Variants in SMYD1 observed in about 807,000 individuals in gnomAD.
SMYD1 encodes histone-lysine N-methyltransferase SMYD1.
Under a neutral mutation model 54.0 loss-of-function variants are expected in SMYD1, and 49 were observed. The ratio of observed to expected loss-of-function variants is 0.91; its 90% CI spans 0.72 to 1.15. The LOEUF (loss-of-function observed/expected upper bound fraction) is 1.15, where lower values mean the gene tolerates loss of function less well. Among genes scored for constraint, SMYD1 ranks in the 50% most tolerant of loss-of-function variants. The pLI is 0.00. For synonymous variants in SMYD1, 269 were observed against 234.2 expected (o/e 1.15, Z -1.36); for missense variants, 653 against 639.6 (o/e 1.02, Z -0.23).
In SMYD1 at chr2:88,105,798, C is replaced by T. The variant is rs571309025; in HGVS notation, c.982-527C>T. ...ACTAAAAATACAAAAATTATTTGGG[C>T]GTGGTGGTGTGCACCTGTAATCCCA... On this transcript the variant is annotated intron_variant, in intron 7 of 9. Coordinates refer to ENST00000419482, the MANE Select transcript of SMYD1 (RefSeq NM_198274.4). Among the ~76,000 whole-genome samples the T allele has an allele frequency of 2.0e-5, 3 of 152,098 alleles. No homozygotes were observed. The South Asian group carries it at 6.2e-4, about 32-fold the overall frequency.
At chr2:88,095,342 T>C (rs1191268073) in intron 5 of SMYD1, among the ~76,000 whole-genome samples, 3 of 152,216 alleles carry the variant, frequency 2.0e-5, no homozygotes, top group African/African-American at 4.8e-5. Flanking sequence ...ATACATATTA[T>C]CACATTAATA....
chr2:88,076,270 A>G (rs1674059757), intron 1 of SMYD1, among the ~76,000 whole-genome samples: 1 of 152,064 alleles, frequency 6.6e-6, no homozygotes, highest in Non-Finnish European at 1.5e-5. Context: ...GCTGGAGTGC[A>G]GTGGCGTGAT....
chr2:88,081,328 A>G (rs1380523605), intron 1 of SMYD1, among the ~76,000 whole-genome samples: 1 of 152,188 alleles, frequency 6.6e-6, no homozygotes, highest in East Asian at 1.9e-4. Context: ...GATGTCTAGA[A>G]AATGCAATTC....
At chr2:88,076,008 G>A (rs1674053991) in intron 1 of SMYD1, among the ~76,000 whole-genome samples, 1 of 152,078 alleles carries the variant, frequency 6.6e-6, no homozygotes, top group Non-Finnish European at 1.5e-5. Flanking sequence ...TACAAACTCA[G>A]CCTATCTCTC....
chr2:88,102,545 TC>T (rs144478215), intron 6 of SMYD1, among the ~76,000 whole-genome samples: 2,741 of 152,324 alleles, frequency 0.018, 75 homozygotes, highest in African/African-American at 0.061. Context: ...ACAAGGAGCC[TC>T]CTTAATGAAC....
rs889800410 is a variant in SMYD1, at chr2:88,112,875, T to C, written c.*2363T>C. On this transcript the variant is annotated 3_prime_UTR_variant, in exon 10 of 10. Transcript: ENST00000419482. Reference sequence around the variant, plus strand: ...TTGACATTTCCTGGAGTTGGTTTTGTCCTTGATTCATTCTCATGTCATTCT... The same window carrying C: ...TTGACATTTCCTGGAGTTGGTTTTGCCCTTGATTCATTCTCATGTCATTCT... The C allele has an allele frequency of 3.9e-5, 6 of 152,374 alleles. No individual in the cohort carries two copies. The highest frequency in any genetic ancestry group is 7.2e-5 in the African/African-American group (3 of 41,444). 9.4% of individuals were successfully genotyped at this position (152,374 alleles called of 1,614,324 possible).
At chr2:88,089,779 G>T (rs1162935465) in intron 3 of SMYD1, among the ~76,000 whole-genome samples, 1 of 151,004 alleles carries the variant, frequency 6.6e-6, no homozygotes, top group South Asian at 2.1e-4. Context: ...TTTTATAGAA[G>T]CAGGGTTTCA....
intron 1 of SMYD1, among the ~76,000 whole-genome samples, chr2:88,070,632 A>G (rs1573098711): frequency 2.0e-5 from 3 of 152,128 alleles, no homozygotes; most frequent in Non-Finnish European, 2.9e-5. Flanking sequence ...TTTGTGTTGT[A>G]TATTCTACTG....
At position 88,110,679 on chromosome 2, in the gene SMYD1, A is replaced by G; in HGVS notation, c.*167A>G. 1.3e-6 allele frequency: 1 copy of G among 783,762 alleles called. No individual in the cohort carries two copies. Among genetic ancestry groups the G allele is most frequent in the East Asian group, 3.0e-5 (1 of 33,218 alleles). 48.6% of individuals were successfully genotyped at this position (783,762 alleles called of 1,614,324 possible). A position where few individuals can be genotyped will look rare whatever the true frequency, so the allele number is the denominator to read the frequency against. ...TCCCAGAGCCATTTTGGCTCAATTC[A>G]AGTCTATTCAATTCAAGTTAACTCT... On this transcript the variant is annotated 3_prime_UTR_variant, in exon 10 of 10. Transcript: ENST00000419482.
rs143190729 is a variant in SMYD1, at chr2:88,101,963, T to TA, written c.889-1094dup. 8.4e-4 allele frequency among the ~76,000 whole-genome samples: 128 copies of TA among 152,340 alleles called. 3 individuals carry two copies. The East Asian group carries it at 0.022, about 26-fold the overall frequency. On this transcript the variant is annotated intron_variant, in intron 6 of 9. Transcript: ENST00000419482. ...CTTTGATTGGTCAGTGCTTTTTCTG[T>TA]ATCAGTCATTAAGTATTTTAAATAT... is the stretch of plus-strand genomic sequence containing the variant.
intron 4 of SMYD1, among the ~76,000 whole-genome samples, chr2:88,092,809 T>C (rs1336002701): frequency 4.6e-5 from 7 of 152,242 alleles, no homozygotes; most frequent in African/African-American, 1.4e-4. Flanking sequence ...GCCTTCTAGA[T>C]GGCCCTCTTC....
intron 7 of SMYD1, 109 bp from the exon 8 acceptor site, chr2:88,106,214 GCC>G: frequency 7.1e-7 from 1 of 1,402,220 alleles, no homozygotes; most frequent in African/African-American, 1.4e-5. Context: ...GTCAGCAATT[GCC>G]CCAGTCTTAA....
At chr2:88,070,942 C>CA (rs61024525) in intron 1 of SMYD1, among the ~76,000 whole-genome samples, 2,631 of 59,664 alleles carry the variant, frequency 0.044, 191 homozygotes, top group African/African-American at 0.061. Context: ...GACTATTTCT[C>CA]AAAAAAAAAA....
intron 1 of SMYD1, among the ~76,000 whole-genome samples, chr2:88,072,173 T>C (rs1673962893): frequency 6.6e-6 from 1 of 152,134 alleles, no homozygotes; most frequent in South Asian, 2.1e-4. Context: ...TTTTTTGAGA[T>C]GAAATCTTGC....
At chr2:88,109,560 T>C (rs758101994) in intron 9 of SMYD1, among the ~76,000 whole-genome samples, 6 of 152,142 alleles carry the variant, frequency 3.9e-5, no homozygotes, top group Non-Finnish European at 8.8e-5. Context: ...CTGGTTTATT[T>C]GAGAGTGACA....
Position 88,103,094 on chromosome 2 carries a change from T to C in SMYD1, c.925T>C (p.Ser309Pro). 6.2e-7 allele frequency: 1 copy of C among 1,614,148 alleles called. No individual in the cohort carries two copies. The highest frequency in any genetic ancestry group is 8.5e-7 in the Non-Finnish European group (1 of 1,180,002). The change falls in exon 7 of 10, where the codon TCC becomes CCC. Residue 309 changes from serine (S) to proline (P), a missense_variant. By Grantham distance (74) the Ser-to-Pro change is moderately conservative (BLOSUM62 -1). Transcript: ENST00000419482. ...AGTGGTGAAGGAGATGATACAATTC[T>C]CCAAGGATACATTGGAAAAGATAGA... ...QEVVKEMIQFSKDTLEKIDKA... is the reference protein window; with the variant it reads ...QEVVKEMIQFPKDTLEKIDKA...
chr2:88,067,888 C>G lies in SMYD1; in HGVS notation c.24C>G (p.Asn8Lys), dbSNP rs776264865. Residue 8 changes from asparagine to lysine, a missense_variant, in exon 1 of 10, where the codon AAC (asparagine) becomes AAG (lysine). By Grantham distance (94) the Asn-to-Lys change is moderately conservative. Transcript: ENST00000419482. MTIGRMENVEVFTAEGKG... is the reference protein window; with the variant it reads MTIGRMEKVEVFTAEGKG... ...AGATGACAATAGGGAGAATGGAGAA[C>G]GTGGAGGTCTTCACCGCTGAGGGCA... The G allele has an allele frequency of 6.2e-7, 1 of 1,613,980 alleles. No individual in the cohort carries two copies. Among genetic ancestry groups the G allele is most frequent in the Non-Finnish European group, 8.5e-7 (1 of 1,179,998 alleles).
rs80147181 is a variant in SMYD1 at position 88,080,091 on chromosome 2, G to T, written c.138-4225G>T. Among the ~76,000 whole-genome samples, 1,158 of 152,318 alleles carry T rather than the reference G, an allele frequency of 7.6e-3. 15 individuals are homozygous for T. Among genetic ancestry groups the T allele is most frequent in the African/African-American group, 0.026 (1,099 of 41,572 alleles). On this transcript the variant is annotated intron_variant, in intron 1 of 9. Coordinates refer to ENST00000419482, the MANE Select transcript of SMYD1 (RefSeq NM_198274.4). Reference sequence around the variant, plus strand: ...GTGGACTCAACTACATGTGTTCATTGTGAGGGTAAATTCTTAAGCTTCAGA... The same window carrying T: ...GTGGACTCAACTACATGTGTTCATTTTGAGGGTAAATTCTTAAGCTTCAGA...
chr2:88,068,840 T>A (rs941952108), intron 1 of SMYD1, among the ~76,000 whole-genome samples: 3 of 152,220 alleles, frequency 2.0e-5, no homozygotes, highest in Non-Finnish European at 4.4e-5. Flanking sequence ...TATAAATATA[T>A]GACATTTTAT....
Sources: gnomAD v4.1 joint callset for allele counts (sites outside exome capture counted in the v4.1 genomes callset) on GRCh38, gnomAD v4.1.1 for gene constraint, MANE v1.5 for transcripts, NCBI Gene and HGNC (gene_info 2026-07-23, HGNC 2026-07-21) for gene names.